ZNF385D: variants seen among roughly 807,000 people sequenced by gnomAD.
ZNF385D encodes zinc finger protein 659.
A neutral mutation model predicts 35.8 loss-of-function variants in ZNF385D; 15 were observed. The ratio of observed to expected loss-of-function variants is 0.42; its 90% CI spans 0.28 to 0.64. The LOEUF is 0.64. Ranked by LOEUF, ZNF385D falls within the 30% of genes least tolerant of loss-of-function variation. The probability of loss-of-function intolerance (pLI) is 0.23; values close to 1 mark genes in which losing one functional copy is unlikely to be tolerated. For missense variants in ZNF385D, 474 were observed against 494.6 expected (o/e 0.96, Z 0.39); for synonymous variants, 212 against 186.8 (o/e 1.13, Z -1.10).
rs377336436 is a variant in ZNF385D at position 21,624,091 on chromosome 3, A to G, written c.165+40795T>C. Among the ~76,000 whole-genome samples the G allele has an allele frequency of 2.0e-5, 3 of 152,226 alleles. No individual in the cohort carries two copies. In the East Asian group the frequency reaches 5.8e-4, roughly 29 times the overall value. On this transcript the variant is annotated intron_variant, in intron 2 of 7. Transcript: ENST00000281523. ...GTGAAGAAAATGTTAAAATTATCCAATTCAGCTTCTTATTCCCATTTCATA... is the reference window on the plus strand; with the variant it reads ...GTGAAGAAAATGTTAAAATTATCCAGTTCAGCTTCTTATTCCCATTTCATA...
intron 3 of ZNF385D, among the ~76,000 whole-genome samples, chr3:21,924,553 T>C (rs1041509726): frequency 6.6e-6 from 1 of 152,168 alleles, no homozygotes; most frequent in East Asian, 1.9e-4. Context: ...AAAGGCTGTA[T>C]ATGGATCCTA....
intron 3 of ZNF385D, among the ~76,000 whole-genome samples, chr3:21,910,262 C>A (rs1046190172): frequency 6.6e-6 from 1 of 151,932 alleles, no homozygotes; most frequent in African/African-American, 2.4e-5. Flanking sequence ...GGCATTATAT[C>A]TGTTCTGTGT....
intron 3 of ZNF385D, among the ~76,000 whole-genome samples, chr3:22,026,541 T>C (rs1450933895): frequency 1.3e-5 from 2 of 151,902 alleles, no homozygotes; most frequent in Admixed American, 6.6e-5. Flanking sequence ...ATTAATGGAG[T>C]TTTAGCTCAG....
At chr3:21,864,943 G>T (rs923588042) in intron 3 of ZNF385D, among the ~76,000 whole-genome samples, 1 of 142,244 alleles carries the variant, frequency 7.0e-6, no homozygotes, top group Non-Finnish European at 1.5e-5. Flanking sequence ...AACATCGTTA[G>T]TGTGATCATA....
Position 21,465,079 on chromosome 3 carries a change from T to C in ZNF385D, c.440-27876A>G, listed in dbSNP as rs762415804. Among the ~76,000 whole-genome samples, 1 of 152,230 alleles carries C rather than the reference T, an allele frequency of 6.6e-6. No individual in the cohort carries two copies. The highest frequency in any genetic ancestry group is 1.5e-5 in the Non-Finnish European group (1 of 68,050). ...AGAAAGATTTCATATCCAGGTACTTTACATCTTGTTTTCAACAGATTTCCA... is the reference window on the plus strand; with the variant it reads ...AGAAAGATTTCATATCCAGGTACTTCACATCTTGTTTTCAACAGATTTCCA... On this transcript the variant is annotated intron_variant, in intron 4 of 7. Transcript: ENST00000281523. The surrounding 1 kb of genome is among the most constrained non-coding windows in gnomAD (Gnocchi z 4.2).
At chr3:21,673,492 C>T (rs971840177) in intron 1 of ZNF385D, among the ~76,000 whole-genome samples, 1 of 152,118 alleles carries the variant, frequency 6.6e-6, no homozygotes, top group African/African-American at 2.4e-5. Flanking sequence ...GAAACTCTTG[C>T]TTTCTCCTGG....
At chr3:21,970,604 G>C (rs1212037678) in intron 3 of ZNF385D, among the ~76,000 whole-genome samples, 1 of 149,284 alleles carries the variant, frequency 6.7e-6, no homozygotes, top group Non-Finnish European at 1.5e-5. Context: ...TGGCCTTAAA[G>C]AGTAGAGAGA....
chr3:22,134,688 G>T (rs1377437677), intron 3 of ZNF385D, among the ~76,000 whole-genome samples: 2 of 152,198 alleles, frequency 1.3e-5, no homozygotes. Context: ...ACAATGAACA[G>T]AAGATTATTT....
At chr3:21,826,279 A>G (rs1354320968) in intron 3 of ZNF385D, among the ~76,000 whole-genome samples, 1 of 152,172 alleles carries the variant, frequency 6.6e-6, no homozygotes. Context: ...CGTAGGAGAG[A>G]ACAACGTTTA....
intron 3 of ZNF385D, among the ~76,000 whole-genome samples, chr3:21,796,958 G>A (rs143602975): frequency 6.6e-6 from 1 of 152,166 alleles, no homozygotes; most frequent in African/African-American, 2.4e-5. Context: ...GCTCAGCTGA[G>A]TCTCTTGGAG....
At chr3:21,897,210 T>C (rs1365469417) in intron 3 of ZNF385D, among the ~76,000 whole-genome samples, 1 of 152,142 alleles carries the variant, frequency 6.6e-6, no homozygotes, top group Non-Finnish European at 1.5e-5. Flanking sequence ...AATACAATAA[T>C]GGTTCTCTTG....
At chr3:21,886,815 A>T (rs892209424) in intron 3 of ZNF385D, among the ~76,000 whole-genome samples, 10 of 152,134 alleles carry the variant, frequency 6.6e-5, no homozygotes, top group African/African-American at 2.4e-4. Flanking sequence ...TATATTTTTA[A>T]ATAGTTCTCC....
chr3:21,478,287 T>G (rs939670072), intron 4 of ZNF385D, among the ~76,000 whole-genome samples: 2 of 152,142 alleles, frequency 1.3e-5, no homozygotes, highest in East Asian at 3.9e-4. Flanking sequence ...TATTTGAATA[T>G]TTTGCACTTT....
intron 3 of ZNF385D, among the ~76,000 whole-genome samples, chr3:22,162,203 TCTTA>T (rs1285573488): frequency 6.6e-6 from 1 of 152,192 alleles, no homozygotes; most frequent in African/African-American, 2.4e-5. Flanking sequence ...TGTGCATATT[TCTTA>T]CTGAGACTTT....
At chr3:21,766,008 T>C (rs1008237168) in intron 3 of ZNF385D, among the ~76,000 whole-genome samples, 8 of 151,920 alleles carry the variant, frequency 5.3e-5, no homozygotes, top group Non-Finnish European at 1.5e-5. Context: ...TTTGACTACA[T>C]GTAAACAAGA....
At chr3:22,134,256 G>A (rs1365585886) in intron 3 of ZNF385D, 1 of 152,024 alleles carries the variant, frequency 6.6e-6, no homozygotes, top group African/African-American at 2.4e-5. Context: ...GAATACTGGA[G>A]TGTTATATTA....
At chr3:22,356,101 C>T (rs979639373) in intron 2 of ZNF385D, among the ~76,000 whole-genome samples, 36 of 151,868 alleles carry the variant, frequency 2.4e-4, no homozygotes, top group Admixed American at 1.2e-3. Context: ...AGCAAATATG[C>T]GTGTTTTAAG....
intron 3 of ZNF385D, among the ~76,000 whole-genome samples, chr3:21,792,044 T>A (rs1358797935): frequency 6.6e-6 from 1 of 152,224 alleles, no homozygotes; most frequent in African/African-American, 2.4e-5. Context: ...TAATCATTTT[T>A]ATATTCTATT....
At chr3:21,638,975 T>A (rs945552995) in intron 2 of ZNF385D, among the ~76,000 whole-genome samples, 2 of 151,944 alleles carry the variant, frequency 1.3e-5, no homozygotes, top group African/African-American at 4.8e-5. Flanking sequence ...TAAAAAGCAG[T>A]TTTTAAAATT....
Sources: gnomAD v4.1 joint callset for allele counts (sites outside exome capture counted in the v4.1 genomes callset) on GRCh38, gnomAD v4.1.1 for gene constraint, Gnocchi (gnomAD v3.1) non-coding constraint, MANE v1.5 for transcripts, NCBI Gene and HGNC (gene_info 2026-07-23, HGNC 2026-07-21) for gene names.